The following SHANK2 variants were observed in gnomAD, a reference collection of about 807,000 sequenced individuals.
SHANK2 encodes the protein SH3 and multiple ankyrin repeat domains 2, also known as SH3 and multiple ankyrin repeat domains protein 2.
SHANK2 carries 43 observed loss-of-function variants against 133.7 expected under a neutral mutation model. The ratio of observed to expected loss-of-function variants is 0.32; its 90% CI spans 0.25 to 0.41. SHANK2 has a LOEUF of 0.41. Among genes scored for constraint, SHANK2 ranks in the 10% least tolerant of loss-of-function variants. SHANK2 has a pLI of 1.00. For missense variants in SHANK2, 1,994 were observed against 2,235.8 expected (o/e 0.89, Z 2.18); for synonymous variants, 1,017 against 952.8 (o/e 1.07, Z -1.24).
In SHANK2 at chr11:70,750,441, G is replaced by C. The variant is rs575870938; in HGVS notation, c.1777+48002C>G. On this transcript the variant is annotated intron_variant, in intron 14 of 25. Coordinates refer to ENST00000601538, the MANE Select transcript of SHANK2 (RefSeq NM_012309.5). ...CAGAGGAGCTGTGGTCCACACATGTGGAGGAATCCCCATTGCTTTTGGCCT... is the reference window on the plus strand; with the variant it reads ...CAGAGGAGCTGTGGTCCACACATGTCGAGGAATCCCCATTGCTTTTGGCCT... Among the ~76,000 whole-genome samples, 11 of 152,342 alleles carry C rather than the reference G, an allele frequency of 7.2e-5. No individual in the cohort carries two copies. In the South Asian group the frequency reaches 1.7e-3, roughly 23 times the overall value.
intron 2 of SHANK2, among the ~76,000 whole-genome samples, chr11:71,180,175 T>C (rs1236472741): frequency 3.3e-5 from 5 of 152,206 alleles, no homozygotes; most frequent in African/African-American, 1.2e-4. Flanking sequence ...CAGAAGCAAA[T>C]AGCTCTGGGC....
chr11:70,533,534 C>T (rs960669746), intron 17 of SHANK2, among the ~76,000 whole-genome samples: 4 of 152,212 alleles, frequency 2.6e-5, no homozygotes, highest in Non-Finnish European at 5.9e-5. Context: ...CATCTGGCCC[C>T]TCCCCCTGCT....
At chr11:70,636,595 GTGTA>G (rs2061096143) in intron 17 of SHANK2, among the ~76,000 whole-genome samples, 2 of 150,482 alleles carry the variant, frequency 1.3e-5, no homozygotes, top group African/African-American at 4.9e-5. Context: ...GTCTGTGTGA[GTGTA>G]TGAGTGTGTG....
chr11:70,669,862 G>A (rs1555015633), intron 15 of SHANK2, among the ~76,000 whole-genome samples: 2 of 152,234 alleles, frequency 1.3e-5, no homozygotes, highest in Non-Finnish European at 2.9e-5. Context: ...GGCGGCTGGG[G>A]AATCACAGGA....
intron 10 of SHANK2, among the ~76,000 whole-genome samples, chr11:70,936,136 T>A (rs9667315): frequency 2.6e-5 from 4 of 152,174 alleles, no homozygotes; most frequent in African/African-American, 9.7e-5. Context: ...GAGCTTATTC[T>A]CAAAATGTTC....
At chr11:70,489,901 A>G in intron 23 of SHANK2, 1 of 316,396 alleles carries the variant, frequency 3.2e-6, no homozygotes, top group Non-Finnish European at 6.1e-6. Context: ...TGGCTGGGGA[A>G]TGCAGGGAAC....
intron 11 of SHANK2, among the ~76,000 whole-genome samples, chr11:70,851,148 C>T (rs1949081375): frequency 6.6e-6 from 1 of 151,556 alleles, no homozygotes; most frequent in Non-Finnish European, 1.5e-5. Flanking sequence ...TTCATGGAGC[C>T]CTTAACTCTC....
At chr11:70,542,593 A>G (rs2059636694) in intron 17 of SHANK2, among the ~76,000 whole-genome samples, 1 of 152,134 alleles carries the variant, frequency 6.6e-6, no homozygotes, top group South Asian at 2.1e-4. Context: ...CCTGACCCTC[A>G]CTGGGCAGGG....
chr11:70,474,826 ATGCCAGCT>A (rs1485383033), intron 25 of SHANK2: 1 of 152,254 alleles, frequency 6.6e-6, no homozygotes, highest in Non-Finnish European at 1.5e-5. Context: ...GCTCTGTCAG[ATGCCAGCT>A]TGGGTGCACT....
At chr11:70,482,969 G>C (rs1321994963) in intron 25 of SHANK2, among the ~76,000 whole-genome samples, 2 of 152,202 alleles carry the variant, frequency 1.3e-5, no homozygotes, top group Admixed American at 6.5e-5. Context: ...CTGTCCAGCT[G>C]CCACTCAGGG....
intron 17 of SHANK2, among the ~76,000 whole-genome samples, chr11:70,630,883 A>G (rs1555001891): frequency 6.6e-6 from 1 of 152,232 alleles, no homozygotes; most frequent in Non-Finnish European, 1.5e-5. Flanking sequence ...GGACACCAGC[A>G]CAAAGGGTGA....
chr11:70,750,620 TG>T (rs1398824406), intron 14 of SHANK2, among the ~76,000 whole-genome samples: 1 of 152,028 alleles, frequency 6.6e-6, no homozygotes, highest in Non-Finnish European at 1.5e-5. Flanking sequence ...GAGACTGTAG[TG>T]AGGAGGGAGC....
chr11:70,753,073 A>T (rs1555037766), intron 14 of SHANK2, among the ~76,000 whole-genome samples: 2 of 152,090 alleles, frequency 1.3e-5, no homozygotes, highest in African/African-American at 4.8e-5. Context: ...AGATCATGCC[A>T]CTGCACTCCA....
At chr11:71,167,078 C>T (rs1215135275) in intron 2 of SHANK2, among the ~76,000 whole-genome samples, 1 of 151,676 alleles carries the variant, frequency 6.6e-6, no homozygotes, top group Non-Finnish European at 1.5e-5. Flanking sequence ...GGACACAGCA[C>T]ATGTTTCAGA....
chr11:70,646,833 ATTTATTTATTTAT>A (rs2061269309), intron 17 of SHANK2, among the ~76,000 whole-genome samples: 1 of 93,908 alleles, frequency 1.1e-5, no homozygotes, highest in Non-Finnish European at 2.3e-5. Flanking sequence ...TATTTATTTT[ATTTATTTATTTAT>A]TTATTTATTT....
chr11:70,912,762 T>C (rs955014982), intron 10 of SHANK2, among the ~76,000 whole-genome samples: 6 of 152,204 alleles, frequency 3.9e-5, no homozygotes, highest in African/African-American at 9.6e-5. Context: ...TAAACCTCTT[T>C]TTGTTTCCAG....
At chr11:70,676,220 T>C (rs1309052383) in intron 15 of SHANK2, among the ~76,000 whole-genome samples, 1 of 152,258 alleles carries the variant, frequency 6.6e-6, no homozygotes, top group East Asian at 1.9e-4. Flanking sequence ...CTTCCCAGCT[T>C]GCTGCCTGCT....
intron 2 of SHANK2, among the ~76,000 whole-genome samples, chr11:71,167,267 A>G (rs1953172806): frequency 6.6e-6 from 1 of 151,974 alleles, no homozygotes; most frequent in Admixed American, 6.5e-5. Context: ...CAAAACCACC[A>G]TTGTCATCAT....
At chr11:71,223,260 T>C (rs1018480061) in intron 2 of SHANK2, among the ~76,000 whole-genome samples, 4 of 152,230 alleles carry the variant, frequency 2.6e-5, no homozygotes, top group Admixed American at 2.0e-4. Context: ...ATTCTGCTCC[T>C]GCCTGCCGCG....
Sources: allele counts gnomAD v4.1 joint callset (sites outside exome capture counted in the v4.1 genomes callset), GRCh38; gene constraint gnomAD v4.1.1; transcripts MANE v1.5; gene names NCBI Gene and HGNC (gene_info 2026-07-23, HGNC 2026-07-21).